The following MYH9 variants were observed in gnomAD, a reference collection of about 807,000 sequenced individuals.
MYH9 encodes the protein myosin heavy chain 9, also known as myosin-9.
In MYH9, 29 loss-of-function variants were observed where a neutral mutation model predicts 241.9. The observed-to-expected ratio is 0.12, with a 90% CI of 0.09 to 0.16. The LOEUF is 0.16. Ranked by LOEUF, MYH9 falls within the 10% of genes least tolerant of loss-of-function variation. MYH9 has a pLI of 1.00. For synonymous variants in MYH9, 1,047 were observed against 1,062.6 expected, an observed-to-expected ratio of 0.99 and a Z score of 0.29; for missense variants, 1,803 against 2,595.5, an observed-to-expected ratio of 0.69 and a Z score of 6.63.
chr22:36,381,053 GT>G (rs1288030515), intron 1 of MYH9, among the ~76,000 whole-genome samples: 2 of 152,126 alleles, frequency 1.3e-5, no homozygotes, highest in Non-Finnish European at 2.9e-5. Flanking sequence ...GGACCCAAAG[GT>G]TTCAAGCACA....
chr22:36,372,555 GT>G, intron 1 of MYH9, among the ~76,000 whole-genome samples: 1 of 151,774 alleles, frequency 6.6e-6, no homozygotes, highest in Non-Finnish European at 1.5e-5. Flanking sequence ...TTTAGATTGT[GT>G]TTTTGCTGAG....
At chr22:36,316,880 T>C (rs935845547) in intron 11 of MYH9, among the ~76,000 whole-genome samples, 1 of 151,982 alleles carries the variant, frequency 6.6e-6, no homozygotes, top group African/African-American at 2.4e-5. Context: ...TATCTAACAA[T>C]ATGGGGACAA....
intron 5 of MYH9, among the ~76,000 whole-genome samples, chr22:36,324,100 C>T (rs1361104865): frequency 6.6e-6 from 1 of 152,236 alleles, no homozygotes; most frequent in Non-Finnish European, 1.5e-5. Flanking sequence ...GGAGCGCGGC[C>T]CCTCCATTGC....
rs1029535450 is a variant in MYH9, at chr22:36,299,108, G to A, written c.2977-66C>T. ...GCACAGAACACTTGCTAGCCTCAAA[G>A]CATGACTCGCCCGGAAATCTGGGGC... On this transcript the variant is annotated intron_variant, in intron 23 of 40. Transcript: ENST00000216181. 5 of 1,607,018 alleles carry A rather than the reference G, an allele frequency of 3.1e-6. No individual in the cohort carries two copies. In the Admixed American group the frequency reaches 8.3e-5, roughly 27 times the overall value.
rs1173949966 is a variant in MYH9 at position 36,295,685 on chromosome 22, G to A, written c.3305C>T (p.Ala1102Val). Residue 1102 changes from alanine to valine, a missense_variant, in exon 26 of 41, where the codon GCC becomes GTC. By Grantham distance (64) the Ala-to-Val change is moderately conservative. Around this residue, in one of 11 missense-constraint regions of MYH9, gnomAD observed 290 missense variants for 360.5 expected, o/e 0.80. Transcript: ENST00000216181. This position sits in a 1 kb window ranked among gnomAD's most constrained non-coding sequence, Gnocchi z 4.1. ...VEEEAAQKNM[A>V]LKKIRELESQ... is the part of the protein sequence containing the mutation. ...TTCCAGCTCCCGGATCTTCTTGAGG[G>A]CCATGTTCTTCTGGGCAGCTTCCTC... The A allele has an allele frequency of 1.9e-6, 3 of 1,613,514 alleles. No homozygotes were observed. Among genetic ancestry groups the A allele is most frequent in the Middle Eastern group, 1.6e-4 (1 of 6,082 alleles).
intron 1 of MYH9, among the ~76,000 whole-genome samples, chr22:36,351,149 T>C (rs564889226): frequency 4.6e-5 from 7 of 152,348 alleles, no homozygotes; most frequent in South Asian, 2.1e-4. Flanking sequence ...GGGGCTCCCC[T>C]GGACTCACTC....
At chr22:36,283,271 T>G (rs1382170772) in intron 40 of MYH9, among the ~76,000 whole-genome samples, 1 of 152,104 alleles carries the variant, frequency 6.6e-6, no homozygotes, top group Non-Finnish European at 1.5e-5. Flanking sequence ...GCACGGTGGC[T>G]CATCCTTGTA....
intron 1 of MYH9, among the ~76,000 whole-genome samples, chr22:36,371,572 G>T (rs1569537070): frequency 6.6e-6 from 1 of 152,066 alleles, no homozygotes; most frequent in Non-Finnish European, 1.5e-5. Context: ...TTTCACTCTT[G>T]TTGCCCAGGC....
intron 1 of MYH9, among the ~76,000 whole-genome samples, chr22:36,351,681 C>T (rs1024359564): frequency 2.0e-5 from 3 of 152,106 alleles, no homozygotes; most frequent in Admixed American, 1.3e-4. Flanking sequence ...CCCTGCCCTG[C>T]TCAAGACCTT....
intron 3 of MYH9, among the ~76,000 whole-genome samples, chr22:36,334,321 G>C (rs925750864): frequency 1.3e-5 from 2 of 152,316 alleles, no homozygotes; most frequent in East Asian, 3.9e-4. Flanking sequence ...GGTGTTGGGT[G>C]GTGGCCCAGG....
intron 15 of MYH9, chr22:36,308,959 C>T: frequency 2.7e-6 from 2 of 743,678 alleles, no homozygotes; most frequent in Non-Finnish European, 1.6e-6. Flanking sequence ...AAGCAACCAG[C>T]CTACCAAGGA....
In MYH9 at chr22:36,314,134, C is replaced by T; in HGVS notation, c.1554+11G>A. 1 of 1,613,462 alleles carries T rather than the reference C, an allele frequency of 6.2e-7. No homozygotes were observed. The highest frequency in any genetic ancestry group is 8.5e-7 in the Non-Finnish European group (1 of 1,179,340). On this transcript the variant is annotated intron_variant, in intron 13 of 40. Transcript: ENST00000216181. ...AGGCAGGTGTGAGGTCAAAGCAAGCCTGGTACTCACTGGCTTCTCAATGAG... is the reference window on the plus strand; with the variant it reads ...AGGCAGGTGTGAGGTCAAAGCAAGCTTGGTACTCACTGGCTTCTCAATGAG...
intron 3 of MYH9, among the ~76,000 whole-genome samples, chr22:36,328,323 A>G (rs2061749959): frequency 6.6e-6 from 1 of 152,260 alleles, no homozygotes; most frequent in African/African-American, 2.4e-5. Flanking sequence ...CCACACTCTG[A>G]AAGCTAAGTT....
At chr22:36,308,619 T>C (rs994160514) in intron 15 of MYH9, among the ~76,000 whole-genome samples, 1 of 151,990 alleles carries the variant, frequency 6.6e-6, no homozygotes, top group Non-Finnish European at 1.5e-5. Flanking sequence ...AGTTTGCTAC[T>C]ACAGGCCGGC....
chr22:36,288,198 T>C lies in MYH9; in HGVS notation c.4932+54A>G. 6 of 1,606,492 alleles carry C rather than the reference T, an allele frequency of 3.7e-6. No homozygotes were observed. The highest frequency in any genetic ancestry group is 5.1e-6 in the Non-Finnish European group (6 of 1,177,426). ...GGCCGAGCCCTGGCACCTTCATATG[T>C]AGTTGGCTCAGTCGGGTGCCGCCCA... On this transcript the variant is annotated intron_variant, in intron 34 of 40. Transcript: ENST00000216181. The surrounding 1 kb of genome is among the most constrained non-coding windows in gnomAD (Gnocchi z 4.8).
chr22:36,368,843 G>A (rs533825490), intron 1 of MYH9, among the ~76,000 whole-genome samples: 29 of 146,642 alleles, frequency 2.0e-4, no homozygotes, highest in East Asian at 4.2e-4. Context: ...AAGAGCCTGC[G>A]AAGCCTGCCC....
intron 1 of MYH9, among the ~76,000 whole-genome samples, chr22:36,363,414 T>G (rs2017965227): frequency 6.6e-6 from 1 of 151,826 alleles, no homozygotes; most frequent in Non-Finnish European, 1.5e-5. Flanking sequence ...AACCTGGCAG[T>G]CCAAGAGAAT....
At chr22:36,386,537 T>C (rs1165565738) in intron 1 of MYH9, among the ~76,000 whole-genome samples, 1 of 152,180 alleles carries the variant, frequency 6.6e-6, no homozygotes, top group Non-Finnish European at 1.5e-5. Flanking sequence ...CTTTCCACGG[T>C]TACTCATCAG....
intron 1 of MYH9, among the ~76,000 whole-genome samples, chr22:36,382,660 G>A (rs1439785514): frequency 6.6e-5 from 10 of 151,694 alleles, no homozygotes; most frequent in South Asian, 4.1e-4. Flanking sequence ...AAAACTAGCC[G>A]GGTGTGGTGG....
Sources: gnomAD v4.1 joint callset for allele counts (sites outside exome capture counted in the v4.1 genomes callset) on GRCh38, gnomAD v4.1.1 for gene constraint, gnomAD v4.1.1 regional missense constraint, Gnocchi (gnomAD v3.1) non-coding constraint, MANE v1.5 for transcripts, NCBI Gene and HGNC (gene_info 2026-07-23, HGNC 2026-07-21) for gene names.